CCDC170: variants seen among roughly 807,000 people sequenced by gnomAD.
The protein encoded by CCDC170 is coiled-coil domain containing 170.
CCDC170 carries 69 observed loss-of-function variants against 72.6 expected under a neutral mutation model. The observed-to-expected ratio is 0.95, with a 90% CI of 0.78 to 1.16. The LOEUF is 1.16. Among genes scored for constraint, CCDC170 ranks in the 50% most tolerant of loss-of-function variants. The pLI, the probability that CCDC170 is intolerant of heterozygous loss-of-function variation, is 0.00. For synonymous variants in CCDC170, 300 were observed against 303.9 expected, an observed-to-expected ratio of 0.99 and a Z score of 0.13; for missense variants, 852 against 832.5, an observed-to-expected ratio of 1.02 and a Z score of -0.29.
rs59222220 is a variant in CCDC170 at position 151,614,601 on chromosome 6, C to G, written c.1711-842C>G. Among the ~76,000 whole-genome samples the G allele has an allele frequency of 9.2e-3, 1,394 of 151,732 alleles. 17 individuals carry two copies. Among genetic ancestry groups the G allele is most frequent in the African/African-American group, 0.026 (1,077 of 41,334 alleles). On this transcript the variant is annotated intron_variant, in intron 9 of 10. Coordinates refer to ENST00000239374, the MANE Select transcript of CCDC170 (RefSeq NM_025059.4). ...TCCCGAGTAGCTGGGATTACAGGTG[C>G]CTGCCACCATGGCTGGCTAACTTTT...
chr6:151,523,158 T>C (rs1782348808), intron 1 of CCDC170, among the ~76,000 whole-genome samples: 1 of 152,166 alleles, frequency 6.6e-6, no homozygotes. Context: ...GGAGGCTCTG[T>C]TGCTCTCAGG....
Position 151,618,147 on chromosome 6 carries a change from A to T in CCDC170, c.2148A>T (p.Ter716CysextTer28). 1 of 1,613,300 alleles carries T rather than the reference A, an allele frequency of 6.2e-7. No homozygotes were observed. The highest frequency in any genetic ancestry group is 8.5e-7 in the Non-Finnish European group (1 of 1,179,486). Residue 716 changes from the stop codon to cysteine (C), a stop_lost, in exon 11 of 11, where the codon TGA becomes TGT. Transcript: ENST00000239374. The stretch of plus-strand genomic sequence containing the variant: ...AAGGCCATTTACAGCTTCTTCATTG[A>T]ACACTGTATCTCTTGAGAGAGGTGG... ...HPQGHLQLLH[*>C] is the part of the protein sequence containing the mutation.
At chr6:151,538,666 C>G (rs1782631882) in intron 3 of CCDC170, among the ~76,000 whole-genome samples, 2 of 152,006 alleles carry the variant, frequency 1.3e-5, no homozygotes, top group African/African-American at 4.8e-5. Flanking sequence ...TAAAAATATC[C>G]CAGAAGCTAG....
At chr6:151,569,677 G>A (rs544108413) in intron 5 of CCDC170, among the ~76,000 whole-genome samples, 5 of 152,314 alleles carry the variant, frequency 3.3e-5, no homozygotes, top group Middle Eastern at 6.8e-3. Flanking sequence ...AGGTAGCCAT[G>A]GAACCAGAAT....
intron 3 of CCDC170, among the ~76,000 whole-genome samples, chr6:151,539,272 AT>A (rs1453917256): frequency 1.3e-5 from 2 of 151,238 alleles, no homozygotes; most frequent in Non-Finnish European, 3.0e-5. Context: ...AAAAAAAAAA[AT>A]GTTGTATGTA....
chr6:151,591,336 G>A (rs1468855538), intron 7 of CCDC170, among the ~76,000 whole-genome samples: 1 of 152,134 alleles, frequency 6.6e-6, no homozygotes, highest in Non-Finnish European at 1.5e-5. Flanking sequence ...CACTTAGTAA[G>A]CATTGTCCTA....
chr6:151,549,520 A>G (rs903632132), intron 5 of CCDC170, among the ~76,000 whole-genome samples: 1 of 152,300 alleles, frequency 6.6e-6, no homozygotes, highest in South Asian at 2.1e-4. Flanking sequence ...ATGGTGAAAC[A>G]TGTTCCCCAT....
intron 5 of CCDC170, among the ~76,000 whole-genome samples, chr6:151,559,520 A>G (rs1456996842): frequency 6.6e-6 from 1 of 152,178 alleles, no homozygotes; most frequent in Non-Finnish European, 1.5e-5. Context: ...TTGTTAGTGT[A>G]TAGAAACACT....
intron 1 of CCDC170, among the ~76,000 whole-genome samples, chr6:151,496,998 C>T (rs1056336776): frequency 6.6e-6 from 1 of 152,240 alleles, no homozygotes. Flanking sequence ...GCACCTACTC[C>T]TACCATCATC....
In CCDC170 at chr6:151,621,076, A is replaced by G. The variant is rs1269819670; in HGVS notation, c.*2929A>G. 1 of 152,230 alleles carries G rather than the reference A, an allele frequency of 6.6e-6. No homozygotes were observed. The highest frequency in any genetic ancestry group is 1.5e-5 in the Non-Finnish European group (1 of 68,046). The allele number at this position is 152,230 out of a possible 1,614,324, so 9.4% of individuals were successfully genotyped here. On this transcript the variant is annotated 3_prime_UTR_variant, in exon 11 of 11. Transcript: ENST00000239374. ...TAGGGACTTCTAATGAAAAGGGTAT[A>G]TGAAATGGGAACAATAAATTCTGTA...
chr6:151,579,140 T>G (rs1428650362), intron 6 of CCDC170, among the ~76,000 whole-genome samples: 1 of 152,086 alleles, frequency 6.6e-6, no homozygotes, highest in Non-Finnish European at 1.5e-5. Context: ...ATCTGGTGCA[T>G]TTTGTCCCAT....
intron 8 of CCDC170, among the ~76,000 whole-genome samples, chr6:151,594,534 ATTG>A (rs1776591827): frequency 6.6e-6 from 1 of 152,174 alleles, no homozygotes; most frequent in South Asian, 2.1e-4. Context: ...TGCTCAGATA[ATTG>A]ATTCTTTTTC....
chr6:151,587,241 G>A (rs1776465328), intron 7 of CCDC170, among the ~76,000 whole-genome samples: 1 of 152,110 alleles, frequency 6.6e-6, no homozygotes, highest in African/African-American at 2.4e-5. Context: ...TGGGGAGACT[G>A]TCAGTGATCT....
chr6:151,593,594 T>C (rs866738950), intron 8 of CCDC170, among the ~76,000 whole-genome samples: 5 of 152,166 alleles, frequency 3.3e-5, no homozygotes, highest in Admixed American at 2.0e-4. Context: ...GGGGCTGGTG[T>C]GGCAACTCTC....
chr6:151,562,276 T>G (rs996128495), intron 5 of CCDC170, among the ~76,000 whole-genome samples: 5 of 152,182 alleles, frequency 3.3e-5, no homozygotes, highest in Non-Finnish European at 5.9e-5. Context: ...GCTTTGGAGG[T>G]GTCAAAACAC....
At chr6:151,566,817 G>T (rs1170985141) in intron 5 of CCDC170, among the ~76,000 whole-genome samples, 1 of 152,160 alleles carries the variant, frequency 6.6e-6, no homozygotes, top group East Asian at 1.9e-4. Flanking sequence ...TACTGCTTAT[G>T]TTAGTATTTA....
At position 151,585,947 on chromosome 6, in the gene CCDC170, C is replaced by T; in HGVS notation, c.1151C>T (p.Ser384Phe). 6.2e-7 allele frequency: 1 copy of T among 1,613,912 alleles called. No homozygotes were observed. The highest frequency in any genetic ancestry group is 8.5e-7 in the Non-Finnish European group (1 of 1,179,928). Residue 384 changes from serine to phenylalanine, a missense_variant, in exon 7 of 11, where the codon TCT becomes TTT. Ser to Phe is a radical substitution (Grantham distance 155). Coordinates refer to ENST00000239374, the MANE Select transcript of CCDC170 (RefSeq NM_025059.4). ...SELVEQLGKE[S>F]GFHQKALQRA... ...CTTGTTGAACAGTTGGGAAAGGAGTCTGGGTTTCACCAGAAAGCTCTCCAG... is the reference window on the plus strand; with the variant it reads ...CTTGTTGAACAGTTGGGAAAGGAGTTTGGGTTTCACCAGAAAGCTCTCCAG...
intron 6 of CCDC170, among the ~76,000 whole-genome samples, chr6:151,578,417 T>C (rs1776333741): frequency 6.6e-6 from 1 of 152,162 alleles, no homozygotes; most frequent in African/African-American, 2.4e-5. Context: ...TTCTTTGTTG[T>C]AGGGATAGTG....
chr6:151,596,858 C>T (rs1022375011), intron 9 of CCDC170, among the ~76,000 whole-genome samples: 2 of 152,110 alleles, frequency 1.3e-5, no homozygotes, highest in Admixed American at 6.5e-5. Flanking sequence ...AGGAGTTTCG[C>T]TCTTGTTGCC....
Sources: allele counts gnomAD v4.1 joint callset (sites outside exome capture counted in the v4.1 genomes callset), GRCh38; gene constraint gnomAD v4.1.1; transcripts MANE v1.5; gene names NCBI Gene and HGNC (gene_info 2026-07-23, HGNC 2026-07-21).